CHST9: variants seen among roughly 807,000 people sequenced by gnomAD.
The protein encoded by CHST9 is GalNAc-4-sulfotransferase 2.
A neutral mutation model predicts 44.4 loss-of-function variants in CHST9; 41 were observed. The ratio of observed to expected loss-of-function variants is 0.92; its 90% CI spans 0.72 to 1.20. The LOEUF (loss-of-function observed/expected upper bound fraction) is 1.20, where lower values mean the gene tolerates loss of function less well. CHST9 is among the 50% of genes most tolerant of loss of function. CHST9 has a pLI of 0.00. For missense variants in CHST9, 504 were observed against 516.5 expected, an observed-to-expected ratio of 0.98 and a Z score of 0.23; for synonymous variants, 171 against 178.4, an observed-to-expected ratio of 0.96 and a Z score of 0.33.
intron 3 of CHST9, among the ~76,000 whole-genome samples, chr18:27,045,493 T>C (rs1411274264): frequency 1.3e-5 from 2 of 152,012 alleles, no homozygotes; most frequent in East Asian, 3.9e-4. Flanking sequence ...CTGATCTTTT[T>C]AAAAATTTTC....
intron 3 of CHST9, among the ~76,000 whole-genome samples, chr18:27,045,956 A>G (rs1310220819): frequency 1.3e-5 from 2 of 152,080 alleles, no homozygotes; most frequent in Non-Finnish European, 2.9e-5. Context: ...TCTTTGGAAC[A>G]TGATTCACTC....
intron 2 of CHST9, among the ~76,000 whole-genome samples, chr18:27,060,795 T>C (rs2057712843): frequency 6.6e-6 from 1 of 152,198 alleles, no homozygotes; most frequent in South Asian, 2.1e-4. Flanking sequence ...TAATGACATG[T>C]ACATTTATTT....
chr18:27,160,505 G>A (rs1037335091), intron 1 of CHST9, among the ~76,000 whole-genome samples: 2 of 152,082 alleles, frequency 1.3e-5, no homozygotes, highest in Non-Finnish European at 2.9e-5. Context: ...TGCTGGATTC[G>A]GTTTGCCAGT....
At position 26,936,976 on chromosome 18, in the gene CHST9, T is replaced by TAACA. The variant is rs1440862382; in HGVS notation, c.240+7349_240+7352dup. Among the ~76,000 whole-genome samples, 3 of 152,332 alleles carry TAACA rather than the reference T, an allele frequency of 2.0e-5. No individual in the cohort carries two copies. The East Asian group carries it at 5.8e-4, about 29-fold the overall frequency. On this transcript the variant is annotated intron_variant, in intron 5 of 5. Coordinates refer to ENST00000618847, the MANE Select transcript of CHST9 (RefSeq NM_031422.6). ...ACATACACAATGACACTGTTATTAC[T>TAACA]AACAATAAAGAACTTGTAAGAGAGT...
intron 4 of CHST9, among the ~76,000 whole-genome samples, chr18:26,946,431 C>T (rs1037650853): frequency 6.6e-6 from 1 of 152,128 alleles, no homozygotes; most frequent in African/African-American, 2.4e-5. Context: ...GAGAGGTGAG[C>T]AGGGCATAGT....
At chr18:26,978,276 A>AGT (rs1162010816) in intron 4 of CHST9, among the ~76,000 whole-genome samples, 2 of 133,530 alleles carry the variant, frequency 1.5e-5, no homozygotes. Flanking sequence ...TGTGTGTGTG[A>AGT]GTGTGTGTAT....
chr18:27,073,233 C>T (rs538025947), intron 2 of CHST9, among the ~76,000 whole-genome samples: 1 of 152,208 alleles, frequency 6.6e-6, no homozygotes, highest in Admixed American at 6.5e-5. Flanking sequence ...AGCGTATGTT[C>T]TGGAGGGGCA....
chr18:27,131,816 A>G (rs1317209661), intron 2 of CHST9, among the ~76,000 whole-genome samples: 1 of 152,224 alleles, frequency 6.6e-6, no homozygotes, highest in Admixed American at 6.5e-5. Context: ...CAGCATCCCT[A>G]TTTTAATTTA....
chr18:27,039,307 A>AT (rs935577289), intron 3 of CHST9, among the ~76,000 whole-genome samples: 1 of 152,188 alleles, frequency 6.6e-6, no homozygotes, highest in Non-Finnish European at 1.5e-5. Context: ...ATAAAATGCA[A>AT]TATATACATA....
chr18:27,095,140 G>A (rs556261329), intron 2 of CHST9, among the ~76,000 whole-genome samples: 1 of 152,262 alleles, frequency 6.6e-6, no homozygotes, highest in Middle Eastern at 3.4e-3. Flanking sequence ...TTAGTTTCAA[G>A]CATTGAGTAA....
intron 4 of CHST9, among the ~76,000 whole-genome samples, chr18:26,967,340 C>G (rs936068120): frequency 2.6e-5 from 4 of 152,084 alleles, no homozygotes; most frequent in African/African-American, 7.2e-5. Flanking sequence ...TTATATTTGT[C>G]TTTTTGCTTT....
At chr18:27,007,366 G>T (rs1598633888) in intron 4 of CHST9, among the ~76,000 whole-genome samples, 1 of 152,272 alleles carries the variant, frequency 6.6e-6, no homozygotes. Flanking sequence ...GTTTCCAGCA[G>T]TAGCAAGGAG....
intron 3 of CHST9, among the ~76,000 whole-genome samples, chr18:27,024,968 C>G (rs35097640): frequency 0.38 from 57,285 of 151,146 alleles, 11,526 homozygotes; most frequent in East Asian, 0.47. Flanking sequence ...AACAATCTTA[C>G]AGAGCAGTAA....
At chr18:27,036,021 C>CA (rs1331964343) in intron 3 of CHST9, among the ~76,000 whole-genome samples, 2 of 151,930 alleles carry the variant, frequency 1.3e-5, no homozygotes, top group Admixed American at 1.3e-4. Context: ...AATTATACCT[C>CA]AATGAATTTG....
chr18:27,176,394 G>A (rs1258149080), intron 1 of CHST9, among the ~76,000 whole-genome samples: 1 of 151,978 alleles, frequency 6.6e-6, no homozygotes, highest in Non-Finnish European at 1.5e-5. Flanking sequence ...GATGGTGAAT[G>A]CTTACACTTG....
At chr18:27,089,956 G>A (rs1398359323) in intron 2 of CHST9, among the ~76,000 whole-genome samples, 1 of 151,916 alleles carries the variant, frequency 6.6e-6, no homozygotes, top group Non-Finnish European at 1.5e-5. Context: ...GACTACAGGT[G>A]CCCACCACCA....
intron 2 of CHST9, among the ~76,000 whole-genome samples, chr18:27,120,790 T>C: frequency 6.6e-6 from 1 of 152,156 alleles, no homozygotes; most frequent in East Asian, 1.9e-4. Flanking sequence ...TGTAACATAT[T>C]TGGATGGGAA....
At chr18:27,091,079 C>T (rs2143715963) in intron 2 of CHST9, among the ~76,000 whole-genome samples, 1 of 152,270 alleles carries the variant, frequency 6.6e-6, no homozygotes, top group South Asian at 2.1e-4. Flanking sequence ...TATTCATGAG[C>T]ATGGAATGTT....
chr18:27,078,373 G>A (rs999836638), intron 2 of CHST9, among the ~76,000 whole-genome samples: 6 of 152,024 alleles, frequency 3.9e-5, no homozygotes, highest in African/African-American at 1.5e-4. Context: ...GTCAGTTCCT[G>A]TTATTCATGG....
Sources: gnomAD v4.1 joint callset for allele counts (sites outside exome capture counted in the v4.1 genomes callset) on GRCh38, gnomAD v4.1.1 for gene constraint, MANE v1.5 for transcripts, NCBI Gene and HGNC (gene_info 2026-07-23, HGNC 2026-07-21) for gene names.